Variants in CRTC3 observed in about 807,000 individuals in gnomAD.
CRTC3 encodes CREB regulated transcription coactivator 3.
Under a neutral mutation model 74.5 loss-of-function variants are expected in CRTC3, and 26 were observed. The observed-to-expected ratio is 0.35, with a 90% confidence interval of 0.26 to 0.48. The LOEUF (loss-of-function observed/expected upper bound fraction) is 0.48, where lower values mean the gene tolerates loss of function less well. Among genes scored for constraint, CRTC3 ranks in the 20% least tolerant of loss-of-function variants. The pLI is 0.99. For synonymous variants in CRTC3, 377 were observed against 325.8 expected, an observed-to-expected ratio of 1.16 and a Z score of -1.69; for missense variants, 760 against 787.3, an observed-to-expected ratio of 0.97 and a Z score of 0.41.
At chr15:90,626,999 T>C (rs894196515) in intron 10 of CRTC3, among the ~76,000 whole-genome samples, 4 of 152,186 alleles carry the variant, frequency 2.6e-5, no homozygotes, top group African/African-American at 9.7e-5. Flanking sequence ...CTACCCAGAA[T>C]TGTGTTGTGG....
At chr15:90,598,773 G>A (rs1350911094) in intron 3 of CRTC3, 3 of 502,182 alleles carry the variant, frequency 6.0e-6, no homozygotes, top group African/African-American at 3.9e-5. Context: ...TGGAGGTGTC[G>A]ATTTATGAGT....
At chr15:90,579,634 C>CTGTTTTTTTT (rs1967488527) in intron 2 of CRTC3, among the ~76,000 whole-genome samples, 1 of 84,198 alleles carries the variant, frequency 1.2e-5, no homozygotes, top group Non-Finnish European at 2.2e-5. Context: ...ACGTATTTCA[C>CTGTTTTTTTT]TTTTTTTTTT....
intron 2 of CRTC3, among the ~76,000 whole-genome samples, chr15:90,572,125 G>A (rs977868808): frequency 9.1e-5 from 13 of 143,382 alleles, no homozygotes; most frequent in African/African-American, 5.2e-5. Flanking sequence ...TTGCGCCATC[G>A]TACTCCAGCG....
intron 2 of CRTC3, among the ~76,000 whole-genome samples, chr15:90,580,626 G>A (rs1967517668): frequency 6.6e-6 from 1 of 151,854 alleles, no homozygotes; most frequent in South Asian, 2.1e-4. Context: ...GATGGGGTTC[G>A]TCATCTGGCC....
chr15:90,632,627 C>A (rs1472388039), intron 11 of CRTC3, among the ~76,000 whole-genome samples: 1 of 152,114 alleles, frequency 6.6e-6, no homozygotes, highest in East Asian at 1.9e-4. Context: ...TATTTTGAGA[C>A]AGAGTCTTGC....
At chr15:90,586,231 G>A (rs1409458953) in intron 2 of CRTC3, among the ~76,000 whole-genome samples, 1 of 151,960 alleles carries the variant, frequency 6.6e-6, no homozygotes, top group Non-Finnish European at 1.5e-5. Context: ...ATATCGATTA[G>A]GCACCCCTTT....
chr15:90,632,718 C>T (rs1388188251), intron 11 of CRTC3, among the ~76,000 whole-genome samples: 1 of 152,206 alleles, frequency 6.6e-6, no homozygotes, highest in Non-Finnish European at 1.5e-5. Flanking sequence ...GATTTTCCTG[C>T]CTCAGCTTCC....
Position 90,641,369 on chromosome 15 carries a change from A to G in CRTC3, c.1651+170A>G, listed in dbSNP as rs1275553759. ...TGTCCAGCCTCAGAGACCGTGACACAGGGCGGTGGGCCTGGTAGTCAAAGC... is the reference window on the plus strand; with the variant it reads ...TGTCCAGCCTCAGAGACCGTGACACGGGGCGGTGGGCCTGGTAGTCAAAGC... On this transcript the variant is annotated intron_variant, in intron 14 of 14. Coordinates refer to ENST00000268184, the MANE Select transcript of CRTC3 (RefSeq NM_022769.5). 29 of 594,362 alleles carry G rather than the reference A, an allele frequency of 4.9e-5. No individual in the cohort carries two copies. In the Admixed American group the frequency reaches 7.4e-4, roughly 15 times the overall value. The allele number at this position is 594,362 out of a possible 1,614,324, so 36.8% of individuals were successfully genotyped here. A position where few individuals can be genotyped will look rare whatever the true frequency, so the allele number is the denominator to read the frequency against.
intron 2 of CRTC3, among the ~76,000 whole-genome samples, chr15:90,579,634 CTTTTTTTTTTTT>C (rs146273285): frequency 1.8e-4 from 15 of 84,200 alleles, no homozygotes; most frequent in African/African-American, 6.1e-4. Context: ...ACGTATTTCA[CTTTTTTTTTTTT>C]TTTTTTTTTT....
chr15:90,559,617 GTTGT>G lies in CRTC3; in HGVS notation c.231+19499_231+19502del, dbSNP rs751786066. ...AAAGTTGAAATTTTTTCATTTTGTG[GTTGT>G]TTGTTTGTTTGTTTGTTTTTCGAGG... On this transcript the variant is annotated intron_variant, in intron 2 of 14. Coordinates refer to ENST00000268184, the MANE Select transcript of CRTC3 (RefSeq NM_022769.5). Among the ~76,000 whole-genome samples, 76 of 152,062 alleles carry G rather than the reference GTTGT, an allele frequency of 5.0e-4. 1 individual carries two copies. The highest frequency in any genetic ancestry group is 1.0e-3 in the African/African-American group (43 of 41,462).
chr15:90,545,845 TG>T lies in CRTC3; in HGVS notation c.231+5711del, dbSNP rs1312225484. ...CGCCCGCCTTGGCCTCCCAAAGTGC[TG>T]GGATTACAGGCGTGAGCCACTGCGC... On this transcript the variant is annotated intron_variant, in intron 2 of 14. Coordinates refer to ENST00000268184, the MANE Select transcript of CRTC3 (RefSeq NM_022769.5). Among the ~76,000 whole-genome samples the T allele has an allele frequency of 1.8e-4, 28 of 152,354 alleles. No homozygotes were observed. The East Asian group carries it at 3.9e-3, about 21-fold the overall frequency.
At chr15:90,551,108 C>T (rs1026751290) in intron 2 of CRTC3, among the ~76,000 whole-genome samples, 1 of 152,100 alleles carries the variant, frequency 6.6e-6, no homozygotes, top group Non-Finnish European at 1.5e-5. Context: ...AGACTCCTCC[C>T]GACTGAGTCT....
chr15:90,595,599 T>A (rs1174990546), intron 3 of CRTC3: 1 of 152,192 alleles, frequency 6.6e-6, no homozygotes, highest in Non-Finnish European at 1.5e-5. Context: ...TTTTTTCAGT[T>A]CTCAGTTCCC....
chr15:90,638,836 TCTC>T (rs1969337806), intron 13 of CRTC3, 21 bp downstream of exon 13: 2 of 1,596,026 alleles, frequency 1.3e-6, no homozygotes, highest in Non-Finnish European at 8.6e-7. Context: ...GCCCCTGCCT[TCTC>T]CTCCCTTGGT....
chr15:90,615,248 CATT>C (rs1041668644), intron 7 of CRTC3, among the ~76,000 whole-genome samples: 5 of 152,082 alleles, frequency 3.3e-5, no homozygotes, highest in Non-Finnish European at 7.4e-5. Context: ...CCAATTAAAA[CATT>C]GTTGGAGATC....
intron 9 of CRTC3, among the ~76,000 whole-genome samples, chr15:90,622,103 C>T (rs1444583183): frequency 6.6e-6 from 1 of 152,182 alleles, no homozygotes; most frequent in Non-Finnish European, 1.5e-5. Context: ...GCAGCAGGAA[C>T]AGCAAGTGCA....
In CRTC3 at chr15:90,633,290, A is replaced by G. The variant is rs566341919; in HGVS notation, c.1266+3758A>G. 5.3e-5 allele frequency among the ~76,000 whole-genome samples: 8 copies of G among 152,284 alleles called. 1 individual carries two copies. The highest frequency in any genetic ancestry group is 1.9e-4 in the African/African-American group (8 of 41,556). Reference sequence around the variant, plus strand: ...GTCCCCAACTCTTGGAGTTGGGCAGATCTCCTCTCGACACATTCAAAACTA... The same window carrying G: ...GTCCCCAACTCTTGGAGTTGGGCAGGTCTCCTCTCGACACATTCAAAACTA... On this transcript the variant is annotated intron_variant, in intron 11 of 14. Transcript: ENST00000268184.
rs919548791 is a variant in CRTC3, at chr15:90,643,414, C to T, written c.*1274C>T. The T allele has an allele frequency of 8.3e-5, 19 of 228,714 alleles. No homozygotes were observed. The highest frequency in any genetic ancestry group is 7.3e-4 in the South Asian group (4 of 5,492). 14.2% of individuals were successfully genotyped at this position (228,714 alleles called of 1,614,324 possible). A position where few individuals can be genotyped will look rare whatever the true frequency, so the allele number is the denominator to read the frequency against. ...CATTCTCCTTGGGCTGTGCTCCACG[C>T]GGGTGGGTGGGAGCTGTCTTCTGAG... On this transcript the variant is annotated 3_prime_UTR_variant, in exon 15 of 15. Transcript: ENST00000268184.
chr15:90,618,956 T>C (rs766274579), intron 8 of CRTC3, among the ~76,000 whole-genome samples: 1 of 152,228 alleles, frequency 6.6e-6, no homozygotes, highest in African/African-American at 2.4e-5. Context: ...CCCTCCTCCC[T>C]GAGTACCAGG....
Sources: allele counts gnomAD v4.1 joint callset (sites outside exome capture counted in the v4.1 genomes callset), GRCh38; gene constraint gnomAD v4.1.1; transcripts MANE v1.5; gene names NCBI Gene and HGNC (gene_info 2026-07-23, HGNC 2026-07-21).